The following SCFD1 variants were observed in gnomAD, a reference collection of about 807,000 sequenced individuals.
SCFD1 encodes sec1 family domain containing 1, also known as sec1 family domain-containing protein 1.
A neutral mutation model predicts 103.2 loss-of-function variants in SCFD1; 37 were observed. The observed-to-expected ratio is 0.36, with a 90% CI of 0.28 to 0.47. The LOEUF is 0.47. SCFD1 is among the 20% of genes least tolerant of loss of function. The pLI, the probability that SCFD1 is intolerant of heterozygous loss-of-function variation, is 1.00. For missense variants in SCFD1, 639 were observed against 761.2 expected (o/e 0.84, Z 1.89); for synonymous variants, 264 against 245.0 (o/e 1.08, Z -0.73).
At chr14:30,709,203 G>T (rs1381668794) in intron 19 of SCFD1, among the ~76,000 whole-genome samples, 1 of 152,152 alleles carries the variant, frequency 6.6e-6, no homozygotes, top group African/African-American at 2.4e-5. Context: ...AAAAAAACAA[G>T]ATCTTTTCTT....
chr14:30,718,636 A>G (rs144478865), intron 20 of SCFD1, among the ~76,000 whole-genome samples: 1 of 152,372 alleles, frequency 6.6e-6, no homozygotes. Context: ...GATTGTATCC[A>G]TTTGAAATGC....
intron 23 of SCFD1, 97 bp downstream of exon 23, chr14:30,722,656 T>C (rs571920665): frequency 2.5e-5 from 16 of 631,266 alleles, no homozygotes; most frequent in South Asian, 1.6e-4. Context: ...CTATAACTTC[T>C]TTTCTAAAAG....
intron 10 of SCFD1, among the ~76,000 whole-genome samples, chr14:30,656,115 C>CAA (rs1297127053): frequency 3.0e-5 from 4 of 132,740 alleles, no homozygotes; most frequent in African/African-American, 8.4e-5. Context: ...GACCCTGTCT[C>CAA]AAAAAAAAAA....
chr14:30,661,469 T>G (rs1887443551), intron 10 of SCFD1, among the ~76,000 whole-genome samples: 1 of 152,182 alleles, frequency 6.6e-6, no homozygotes, highest in Admixed American at 6.5e-5. Flanking sequence ...CATCTTAATA[T>G]ATATGTATCT....
At chr14:30,702,707 A>G (rs1891164265) in intron 17 of SCFD1, among the ~76,000 whole-genome samples, 1 of 152,202 alleles carries the variant, frequency 6.6e-6, no homozygotes, top group African/African-American at 2.4e-5. Context: ...AAATTAACAT[A>G]ATGCAAATGT....
intron 4 of SCFD1, among the ~76,000 whole-genome samples, chr14:30,637,105 T>A (rs1056522408): frequency 6.6e-6 from 1 of 152,084 alleles, no homozygotes; most frequent in Non-Finnish European, 1.5e-5. Context: ...GACTAGAGTG[T>A]CACTGTTCTT....
intron 13 of SCFD1, 132 bp from the exon 14 acceptor site, chr14:30,674,852 G>A (rs1399448612): frequency 3.6e-5 from 17 of 474,390 alleles, no homozygotes; most frequent in Admixed American, 4.1e-5. Context: ...TAAATTAGTT[G>A]ATAGTTTAAT....
chr14:30,695,371 T>C (rs1478944533), intron 15 of SCFD1, among the ~76,000 whole-genome samples: 1 of 152,110 alleles, frequency 6.6e-6, no homozygotes, highest in African/African-American at 2.4e-5. Context: ...ACTTAGAAAA[T>C]ATGATCTATG....
At chr14:30,637,292 T>G (rs756991260) in intron 4 of SCFD1, among the ~76,000 whole-genome samples, 5 of 152,120 alleles carry the variant, frequency 3.3e-5, no homozygotes, top group African/African-American at 4.8e-5. Flanking sequence ...CTTTTCTCTT[T>G]ACAAATTTGT....
At chr14:30,650,699 G>T in intron 9 of SCFD1, 49 bp downstream of exon 9, 1 of 1,131,532 alleles carries the variant, frequency 8.8e-7, no homozygotes, top group Non-Finnish European at 1.3e-6. Context: ...TATTTGTAGA[G>T]TTTTTTTGTT....
intron 10 of SCFD1, among the ~76,000 whole-genome samples, chr14:30,664,419 A>G (rs935897601): frequency 6.6e-6 from 1 of 152,208 alleles, no homozygotes; most frequent in African/African-American, 2.4e-5. Flanking sequence ...GACCAAAGGT[A>G]GATAAAACCA....
chr14:30,634,756 T>G, intron 4 of SCFD1: 1 of 453,262 alleles, frequency 2.2e-6, no homozygotes, highest in Non-Finnish European at 4.4e-6. Context: ...GTCTTTAGTT[T>G]GTTGGTTTTC....
intron 10 of SCFD1, among the ~76,000 whole-genome samples, chr14:30,662,879 G>T (rs1262504382): frequency 1.3e-5 from 2 of 152,170 alleles, no homozygotes; most frequent in Non-Finnish European, 2.9e-5. Flanking sequence ...CTATTTATAT[G>T]TAGTGATTTG....
chr14:30,721,943 T>C (rs886900898), intron 22 of SCFD1, 26 bp downstream of exon 22: 18 of 1,565,658 alleles, frequency 1.1e-5, no homozygotes, highest in Non-Finnish European at 1.5e-5. Context: ...AAATTCTCTG[T>C]TCCTAGAAAG....
At chr14:30,708,509 C>T (rs1199129401) in intron 19 of SCFD1, among the ~76,000 whole-genome samples, 3 of 142,660 alleles carry the variant, frequency 2.1e-5, no homozygotes, top group African/African-American at 8.5e-5. Context: ...TAGCTCAGAG[C>T]TCTGTAATTT....
At chr14:30,735,518 A>G in intron 24 of SCFD1, 68 bp from the exon 25 acceptor site, 1 of 1,095,142 alleles carries the variant, frequency 9.1e-7, no homozygotes, top group Non-Finnish European at 1.4e-6. Context: ...GGGTTTACAA[A>G]TATGTTTGAA....
At chr14:30,722,246 A>C (rs938311147) in intron 22 of SCFD1, among the ~76,000 whole-genome samples, 3 of 152,158 alleles carry the variant, frequency 2.0e-5, no homozygotes, top group African/African-American at 7.2e-5. Context: ...CGTAAAAAAT[A>C]CAGTAAATAA....
At chr14:30,666,886 G>A (rs1035038579) in intron 10 of SCFD1, among the ~76,000 whole-genome samples, 1 of 152,028 alleles carries the variant, frequency 6.6e-6, no homozygotes, top group African/African-American at 2.4e-5. Context: ...CCAATAACAG[G>A]CTCTGAAATT....
intron 18 of SCFD1, among the ~76,000 whole-genome samples, chr14:30,707,371 G>A (rs1479095763): frequency 6.6e-6 from 1 of 152,142 alleles, no homozygotes; most frequent in African/African-American, 2.4e-5. Context: ...TTTTGTTGTT[G>A]TTGTTTAAAA....
Sources: gnomAD v4.1 joint callset for allele counts (sites outside exome capture counted in the v4.1 genomes callset) on GRCh38, gnomAD v4.1.1 for gene constraint, MANE v1.5 for transcripts, NCBI Gene and HGNC (gene_info 2026-07-23, HGNC 2026-07-21) for gene names.